Variants in MOCOS observed in about 807,000 individuals in gnomAD.
MOCOS encodes the protein human molybdenum cofactor sulfurase.
Under a neutral mutation model 83.6 loss-of-function variants are expected in MOCOS, and 86 were observed. The observed-to-expected ratio is 1.03, with a 90% CI of 0.86 to 1.23. The LOEUF (loss-of-function observed/expected upper bound fraction) is 1.23, where lower values mean the gene tolerates loss of function less well. Ranked by LOEUF, MOCOS falls within the 50% of genes most tolerant of loss-of-function variation. The pLI, the probability that MOCOS is intolerant of heterozygous loss-of-function variation, is 0.00. For missense variants in MOCOS, 1,120 were observed against 1,126.9 expected (o/e 0.99, Z 0.09); for synonymous variants, 445 against 434.7 (o/e 1.02, Z -0.29).
At chr18:36,198,796 G>A in intron 3 of MOCOS, 40 bp downstream of exon 3, 4 of 1,599,842 alleles carry the variant, frequency 2.5e-6, no homozygotes, top group Non-Finnish European at 3.4e-6. Context: ...GCATACCTAG[G>A]CAGACAGACT....
Position 36,199,892 on chromosome 18 carries a change from C to T in MOCOS, c.509C>T (p.Thr170Ile), listed in dbSNP as rs623053. Residue 170 changes from threonine (T) to isoleucine (I), a missense_variant, in exon 4 of 15, where the codon ACC becomes ATC. Transcript: ENST00000261326. Reference protein sequence around the residue: ...NVTMAINVISTPVRPEDLWSA... With the variant: ...NVTMAINVISIPVRPEDLWSA... The stretch of plus-strand genomic sequence containing the variant: ...ACCATGGCTATAAATGTCATATCCA[C>T]CCCGGTCAGGCCAGAGGACCTGTGG... 1,513,231 of 1,614,104 alleles carry T rather than the reference C, an allele frequency of 0.94. 710,583 individuals are homozygous for T. Among genetic ancestry groups the T allele is most frequent in the Non-Finnish European group, 0.96 (1,127,359 of 1,180,022 alleles).
intron 1 of MOCOS, among the ~76,000 whole-genome samples, chr18:36,193,233 C>A (rs986547995): frequency 2.1e-5 from 3 of 143,950 alleles, no homozygotes; most frequent in African/African-American, 7.8e-5. Context: ...ATGGTGTGAA[C>A]CCGGGAAGCG....
intron 9 of MOCOS, among the ~76,000 whole-genome samples, chr18:36,239,071 G>A (rs1239776348): frequency 6.7e-6 from 1 of 149,720 alleles, no homozygotes; most frequent in Non-Finnish European, 1.5e-5. Context: ...ACACTGATGG[G>A]TCTTGACTCT....
intron 9 of MOCOS, among the ~76,000 whole-genome samples, chr18:36,246,470 T>C (rs1489788759): frequency 6.6e-6 from 1 of 152,240 alleles, no homozygotes; most frequent in Non-Finnish European, 1.5e-5. Flanking sequence ...AGTCCTGTGA[T>C]GTGATTCATC....
intron 5 of MOCOS, among the ~76,000 whole-genome samples, chr18:36,204,084 A>C (rs921950274): frequency 2.1e-4 from 32 of 152,234 alleles, no homozygotes; most frequent in African/African-American, 7.2e-4. Context: ...ACTATACATA[A>C]CATAAAACTT....
At chr18:36,201,097 C>A (rs2091412555) in intron 4 of MOCOS, among the ~76,000 whole-genome samples, 1 of 152,150 alleles carries the variant, frequency 6.6e-6, no homozygotes, top group South Asian at 2.1e-4. Flanking sequence ...TCTGCTGGGT[C>A]AACAGTGGGG....
chr18:36,240,030 A>G, intron 9 of MOCOS, among the ~76,000 whole-genome samples: 1 of 121,288 alleles, frequency 8.2e-6, no homozygotes, highest in Non-Finnish European at 1.7e-5. Context: ...CTAGTTATAC[A>G]TTCTTCTAAA....
At chr18:36,206,702 A>G (rs980721893) in intron 6 of MOCOS, among the ~76,000 whole-genome samples, 2 of 152,038 alleles carry the variant, frequency 1.3e-5, no homozygotes, top group African/African-American at 4.8e-5. Flanking sequence ...TGTGTACTCA[A>G]TGTTTAGCTC....
At chr18:36,266,699 G>A (rs752368521) in intron 13 of MOCOS, 50 bp from the exon 14 acceptor site, 34 of 1,512,290 alleles carry the variant, frequency 2.2e-5, no homozygotes, top group Non-Finnish European at 2.8e-5. Context: ...TGAGGTGCAA[G>A]GCTCTGGTCA....
chr18:36,252,978 G>T (rs911285824), intron 11 of MOCOS, among the ~76,000 whole-genome samples: 35 of 152,314 alleles, frequency 2.3e-4, no homozygotes, highest in African/African-American at 7.5e-4. Flanking sequence ...GATGGTGGTG[G>T]TTGGGGTATG....
In MOCOS at chr18:36,187,535, G is replaced by A. The variant is rs117090508; in HGVS notation, c.-5G>A. ...CCGGCCGGCCTGGATGGACTAGCCG[G>A]GGCCATGGCCGGCGCGGCGGCGGAG... On this transcript the variant is annotated 5_prime_UTR_variant, in exon 1 of 15. Transcript: ENST00000261326. 90,266 of 1,235,088 alleles carry A rather than the reference G, an allele frequency of 0.073. 3,643 individuals are homozygous for A. The highest frequency in any genetic ancestry group is 0.14 in the East Asian group (4,587 of 31,704). The allele number at this position is 1,235,088 out of a possible 1,614,324, so 76.5% of individuals were successfully genotyped here.
intron 11 of MOCOS, among the ~76,000 whole-genome samples, chr18:36,252,524 G>C (rs621081): frequency 0.57 from 86,328 of 151,798 alleles, 25,459 homozygotes; most frequent in African/African-American, 0.71. Flanking sequence ...CACCACTGTA[G>C]TCCAGCCTGG....
Position 36,260,027 on chromosome 18 carries a change from C to T in MOCOS, c.2271-10C>T, listed in dbSNP as rs772098615. ...TCCCCCTACTTACTCTTTTTGGTTG[C>T]TTTAATCAGTGATGAGAATGGAAAG... is the stretch of plus-strand genomic sequence containing the variant. On this transcript the variant is annotated splice_polypyrimidine_tract_variant and intron_variant, in intron 12 of 14. Coordinates refer to ENST00000261326, the MANE Select transcript of MOCOS (RefSeq NM_017947.4). 3.7e-6 allele frequency: 6 copies of T among 1,614,084 alleles called. No individual in the cohort carries two copies. Among genetic ancestry groups the T allele is most frequent in the African/African-American group, 1.3e-5 (1 of 75,046 alleles).
chr18:36,205,125 C>T lies in MOCOS; in HGVS notation c.1067C>T (p.Thr356Ile). 1 of 1,613,460 alleles carries T rather than the reference C, an allele frequency of 6.2e-7. No individual in the cohort carries two copies. Among genetic ancestry groups the T allele is most frequent in the Non-Finnish European group, 8.5e-7 (1 of 1,179,714 alleles). The part of the protein sequence containing the change: ...KQHTFTLAQY[T>I]YVALSSLQYP... ...CACACCTTCACCTTGGCTCAGTATA[C>T]CTACGTGGCCCTGTCCTCTCTCCAG... Residue 356 changes from threonine (T) to isoleucine (I), a missense_variant, in exon 6 of 15, where the codon ACC (threonine) becomes ATC (isoleucine). Coordinates refer to ENST00000261326, the MANE Select transcript of MOCOS (RefSeq NM_017947.4).
chr18:36,216,125 C>T (rs907769648), intron 8 of MOCOS, 148 bp downstream of exon 8: 5 of 874,090 alleles, frequency 5.7e-6, no homozygotes, highest in African/African-American at 1.7e-5. Context: ...CTTTCTTGGT[C>T]TGTGCTGACT....
chr18:36,230,103 C>T (rs2091532346), intron 9 of MOCOS, among the ~76,000 whole-genome samples: 1 of 152,016 alleles, frequency 6.6e-6, no homozygotes, highest in Non-Finnish European at 1.5e-5. Context: ...TTCTTTGTTT[C>T]AAGACATCTT....
intron 2 of MOCOS, 84 bp from the exon 3 acceptor site, chr18:36,198,606 A>C (rs2091399539): frequency 7.3e-7 from 1 of 1,360,636 alleles, no homozygotes; most frequent in African/African-American, 1.4e-5. Context: ...GCTTTTTGAG[A>C]AACTGAGGGA....
intron 1 of MOCOS, among the ~76,000 whole-genome samples, chr18:36,187,895 T>G (rs979388849): frequency 6.6e-6 from 1 of 152,200 alleles, no homozygotes; most frequent in Non-Finnish European, 1.5e-5. Flanking sequence ...CTTCCGACTT[T>G]CCGGTGGGCA....
intron 1 of MOCOS, chr18:36,190,042 C>T (rs1436986012): frequency 6.6e-6 from 1 of 152,160 alleles, no homozygotes; most frequent in Non-Finnish European, 1.5e-5. Flanking sequence ...CACAGCTTTC[C>T]CACCCTTTTG....
Sources: allele counts gnomAD v4.1 joint callset (sites outside exome capture counted in the v4.1 genomes callset), GRCh38; gene constraint gnomAD v4.1.1; transcripts MANE v1.5; gene names NCBI Gene and HGNC (gene_info 2026-07-23, HGNC 2026-07-21).